PREX2: variants seen among roughly 807,000 people sequenced by gnomAD.
PREX2 encodes phosphatidylinositol 3,4,5-trisphosphate-dependent Rac exchanger 2 protein.
Under a neutral mutation model 203.2 loss-of-function variants are expected in PREX2, and 107 were observed. The observed-to-expected ratio is 0.53, with a 90% CI of 0.45 to 0.62. The LOEUF (loss-of-function observed/expected upper bound fraction) is 0.62, where lower values mean the gene tolerates loss of function less well. Ranked by LOEUF, PREX2 falls within the 20% of genes least tolerant of loss-of-function variation. The pLI is 0.00. For synonymous variants in PREX2, 672 were observed against 663.6 expected, an observed-to-expected ratio of 1.01 and a Z score of -0.19; for missense variants, 1,777 against 1,955.9, an observed-to-expected ratio of 0.91 and a Z score of 1.72.
intron 11 of PREX2, among the ~76,000 whole-genome samples, chr8:68,067,803 A>G (rs1401326408): frequency 6.6e-6 from 1 of 152,096 alleles, no homozygotes; most frequent in East Asian, 1.9e-4. Context: ...TTCTAGAGAA[A>G]AAGCTTTCAG....
intron 23 of PREX2, among the ~76,000 whole-genome samples, chr8:68,107,806 C>T (rs539455379): frequency 1.9e-4 from 29 of 152,322 alleles, no homozygotes; most frequent in Admixed American, 4.6e-4. Context: ...TGCTGGGAGC[C>T]TGTGGATTTG....
chr8:68,002,129 C>CTTTTTTTTTTTTTTTTTTT (rs60762447), intron 1 of PREX2, among the ~76,000 whole-genome samples: 1 of 146,340 alleles, frequency 6.8e-6, no homozygotes. Flanking sequence ...TTAATTTTGC[C>CTTTTTTTTTTTTTTTTTTT]TTTTTTTCTT....
In PREX2 at chr8:68,087,512, G is replaced by GCTTTACTGTGTAA. The variant is rs1809729293; in HGVS notation, c.2028-210_2028-198dup. On this transcript the variant is annotated intron_variant, in intron 18 of 39. Transcript: ENST00000288368. Reference sequence around the variant, plus strand: ...CTACACTCCAATGTTCCTTTTTCAGGCTTTACTGTGTAACGACTGTGTTCA... The same window carrying GCTTTACTGTGTAA: ...CTACACTCCAATGTTCCTTTTTCAGGCTTTACTGTGTAACTTTACTGTGTAACGACTGTGTTCA... 6.6e-5 allele frequency among the ~76,000 whole-genome samples: 10 copies of GCTTTACTGTGTAA among 152,244 alleles called. No homozygotes were observed. The South Asian group carries it at 2.1e-3, about 32-fold the overall frequency.
At position 68,231,843 on chromosome 8, in the gene PREX2, A is replaced by C. The variant is rs890949103; in HGVS notation, c.*465A>C. The C allele has an allele frequency of 5.0e-5, 8 of 158,948 alleles. No homozygotes were observed. Among genetic ancestry groups the C allele is most frequent in the African/African-American group, 1.9e-4 (8 of 41,648 alleles). The allele number at this position is 158,948 out of a possible 1,614,324, so 9.8% of individuals were successfully genotyped here. A position where few individuals can be genotyped will look rare whatever the true frequency, so the allele number is the denominator to read the frequency against. On this transcript the variant is annotated 3_prime_UTR_variant, in exon 40 of 40. Transcript: ENST00000288368. ...CGACATCTTGCAAATCATCATGAGA[A>C]ATGTTAAGGACAATATAGACTGTGT... is the stretch of plus-strand genomic sequence containing the variant.
At chr8:68,016,774 G>A (rs375456467) in intron 1 of PREX2, among the ~76,000 whole-genome samples, 2 of 151,956 alleles carry the variant, frequency 1.3e-5, no homozygotes, top group African/African-American at 2.4e-5. Context: ...GTGCCACCAC[G>A]CCCAGCAAAC....
chr8:68,080,371 A>C, intron 15 of PREX2, 72 bp from the exon 16 acceptor site: 1 of 1,365,946 alleles, frequency 7.3e-7, no homozygotes, highest in Non-Finnish European at 1.0e-6. Flanking sequence ...TAATTTGTAA[A>C]TGTCACTGCT....
chr8:68,089,574 A>G (rs933439130), intron 19 of PREX2, among the ~76,000 whole-genome samples: 1 of 152,202 alleles, frequency 6.6e-6, no homozygotes, highest in Non-Finnish European at 1.5e-5. Flanking sequence ...TCTTGAAGCA[A>G]GGCCATTTTT....
intron 1 of PREX2, among the ~76,000 whole-genome samples, chr8:67,983,537 T>C (rs1234455677): frequency 6.6e-6 from 1 of 152,186 alleles, no homozygotes; most frequent in Non-Finnish European, 1.5e-5. Context: ...ACTTCCTATA[T>C]AGTTCAGTCA....
chr8:68,212,418 T>C lies in PREX2; in HGVS notation c.4605-5198T>C, dbSNP rs547765083. 2.0e-4 allele frequency among the ~76,000 whole-genome samples: 30 copies of C among 152,294 alleles called. No individual in the cohort carries two copies. In the East Asian group the frequency reaches 4.4e-3, roughly 23 times the overall value. On this transcript the variant is annotated intron_variant, in intron 37 of 39. Coordinates refer to ENST00000288368, the MANE Select transcript of PREX2 (RefSeq NM_024870.4). ...ACTTGGCTTTGTTCACTGTTGCATC[T>C]CCTACACACTGGAGTAATGGAGACT...
At chr8:68,057,116 T>C (rs1272928151) in intron 10 of PREX2, among the ~76,000 whole-genome samples, 1 of 152,060 alleles carries the variant, frequency 6.6e-6, no homozygotes, top group African/African-American at 2.4e-5. Context: ...ATCATGGGGG[T>C]GGCTTCCACC....
In PREX2 at chr8:68,058,423, C is replaced by T. The variant is rs1013489691; in HGVS notation, c.1239-2256C>T. Among the ~76,000 whole-genome samples, 6 of 149,124 alleles carry T rather than the reference C, an allele frequency of 4.0e-5. No individual in the cohort carries two copies. In the East Asian group the frequency reaches 1.2e-3, roughly 29 times the overall value. On this transcript the variant is annotated intron_variant, in intron 10 of 39. Transcript: ENST00000288368. ...CATCTCATTTAATCCTTTGGTTGCA[C>T]TATGACATTGACATTCTTTTTTTTT...
chr8:68,077,364 T>C (rs1405599011), intron 14 of PREX2, 33 bp from the exon 15 acceptor site: 3 of 1,543,966 alleles, frequency 1.9e-6, no homozygotes, highest in East Asian at 2.2e-5. Context: ...TTTAGTTGCC[T>C]ATTAACTCCC....
At chr8:68,137,998 G>A (rs78293196) in intron 32 of PREX2, among the ~76,000 whole-genome samples, 13,444 of 152,174 alleles carry the variant, frequency 0.088, 707 homozygotes, top group African/African-American at 0.15. Flanking sequence ...TATAAAATAG[G>A]ATAGCTATTA....
intron 1 of PREX2, among the ~76,000 whole-genome samples, chr8:67,993,446 G>A (rs4737877): frequency 0.5 from 73,005 of 144,634 alleles, 18,461 homozygotes; most frequent in South Asian, 0.61. Context: ...TCACTCTGTC[G>A]CCCAGACTGG....
rs1239248046 is a variant in PREX2 at position 68,099,706 on chromosome 8, G to A, written c.2578G>A (p.Asp860Asn). 6.2e-7 allele frequency: 1 copy of A among 1,613,840 alleles called. No homozygotes were observed. The highest frequency in any genetic ancestry group is 8.5e-7 in the Non-Finnish European group (1 of 1,179,858). Reference sequence around the variant, plus strand: ...GATTCTTGAAGCCCTGGCTAAAAGTGATGAGCATTTTGTACAAAACTGTAC... The same window carrying A: ...GATTCTTGAAGCCCTGGCTAAAAGTAATGAGCATTTTGTACAAAACTGTAC... Reference protein sequence around the residue: ...AKILEALAKSDEHFVQNCTSL... With the variant: ...AKILEALAKSNEHFVQNCTSL... The change falls in exon 23 of 40, where the codon GAT becomes AAT. Residue 860 changes from aspartate to asparagine, a missense_variant. By Grantham distance (23) the Asp-to-Asn change is conservative. Transcript: ENST00000288368.
At chr8:68,197,156 A>G (rs1379001530) in intron 37 of PREX2, among the ~76,000 whole-genome samples, 1 of 151,502 alleles carries the variant, frequency 6.6e-6, no homozygotes, top group East Asian at 1.9e-4. Flanking sequence ...TAATCCATTC[A>G]CAAGACCCCC....
chr8:68,081,408 C>A (rs1809519307), intron 17 of PREX2, among the ~76,000 whole-genome samples: 1 of 152,034 alleles, frequency 6.6e-6, no homozygotes, highest in Non-Finnish European at 1.5e-5. Context: ...ATTGGGGACC[C>A]CTGTCCTAGA....
intron 25 of PREX2, among the ~76,000 whole-genome samples, chr8:68,112,209 A>G: frequency 6.6e-6 from 1 of 152,218 alleles, no homozygotes; most frequent in Non-Finnish European, 1.5e-5. Context: ...TGTGATTCCA[A>G]TTTCACTTTG....
chr8:67,990,634 C>T (rs1205808866), intron 1 of PREX2, among the ~76,000 whole-genome samples: 2 of 151,958 alleles, frequency 1.3e-5, no homozygotes, highest in East Asian at 1.9e-4. Context: ...CTCAGCCTCC[C>T]GAGTAACTGA....
Sources: allele counts gnomAD v4.1 joint callset (sites outside exome capture counted in the v4.1 genomes callset), GRCh38; gene constraint gnomAD v4.1.1; transcripts MANE v1.5; gene names NCBI Gene and HGNC (gene_info 2026-07-23, HGNC 2026-07-21).